Variants in ADAM23 observed in about 807,000 individuals in gnomAD.
ADAM23 encodes the protein ADAM metallopeptidase domain 23, also known as disintegrin and metalloproteinase domain-containing protein 23.
In ADAM23, 33 loss-of-function variants were observed where a neutral mutation model predicts 120.1. That is an observed-to-expected ratio of 0.27 (90% CI 0.21 to 0.37). ADAM23 has a LOEUF of 0.37. ADAM23 is among the 10% of genes least tolerant of loss of function. The probability of loss-of-function intolerance (pLI) is 1.00; values close to 1 mark genes in which losing one functional copy is unlikely to be tolerated. For missense variants in ADAM23, 862 were observed against 1,058.2 expected, an observed-to-expected ratio of 0.81 and a Z score of 2.57; for synonymous variants, 367 against 375.2, an observed-to-expected ratio of 0.98 and a Z score of 0.25.
At position 206,618,447 on chromosome 2, in the gene ADAM23, TAAG is replaced by T. The variant is rs1698977595; in HGVS notation, c.*822_*824del. On this transcript the variant is annotated 3_prime_UTR_variant, in exon 26 of 26. Transcript: ENST00000264377. Reference sequence around the variant, plus strand: ...TCTTTTATAAATGTAAATATGGAAATAAGAGATTTTGACACATCATTTTCACTT... The same window carrying T: ...TCTTTTATAAATGTAAATATGGAAATAGATTTTGACACATCATTTTCACTT... 1 of 152,234 alleles carries T rather than the reference TAAG, an allele frequency of 6.6e-6. No homozygotes were observed. Among genetic ancestry groups the T allele is most frequent in the African/African-American group, 2.4e-5 (1 of 41,468 alleles). 9.4% of individuals were successfully genotyped at this position (152,234 alleles called of 1,614,324 possible). A position where few individuals can be genotyped will look rare whatever the true frequency, so the allele number is the denominator to read the frequency against.
At chr2:206,594,060 GCTATACAGAAGTGTAGCC>G (rs1360095143) in intron 22 of ADAM23, among the ~76,000 whole-genome samples, 1 of 151,794 alleles carries the variant, frequency 6.6e-6, no homozygotes, top group Non-Finnish European at 1.5e-5. Context: ...AGTATAATAT[GCTATACAGAAGTGTAGCC>G]CAGGAGCAAT....
At chr2:206,479,400 G>A (rs1405760829) in intron 2 of ADAM23, among the ~76,000 whole-genome samples, 1 of 151,974 alleles carries the variant, frequency 6.6e-6, no homozygotes, top group African/African-American at 2.4e-5. Flanking sequence ...TTTAGACCAG[G>A]GTGCCACTAA....
chr2:206,495,502 A>G (rs1230053571), intron 3 of ADAM23, among the ~76,000 whole-genome samples: 1 of 150,056 alleles, frequency 6.7e-6, no homozygotes, highest in Non-Finnish European at 1.5e-5. Flanking sequence ...TGAAGGAAGC[A>G]CTAAACATGG....
chr2:206,462,494 A>G (rs1451181967), intron 2 of ADAM23, among the ~76,000 whole-genome samples: 1 of 152,080 alleles, frequency 6.6e-6, no homozygotes, highest in African/African-American at 2.4e-5. Flanking sequence ...TCGCCCTACC[A>G]CTTCGATTTT....
intron 3 of ADAM23, among the ~76,000 whole-genome samples, chr2:206,495,858 C>T (rs944700353): frequency 5.9e-5 from 9 of 152,016 alleles, no homozygotes; most frequent in South Asian, 2.1e-4. Flanking sequence ...ATCCTAGTCT[C>T]GGATTAAACA....
intron 3 of ADAM23, among the ~76,000 whole-genome samples, chr2:206,514,657 G>A (rs1414386523): frequency 6.6e-6 from 1 of 152,170 alleles, no homozygotes; most frequent in Non-Finnish European, 1.5e-5. Context: ...TTCTGCTGCG[G>A]GTAAAATGCT....
At chr2:206,574,711 T>G (rs972088751) in intron 18 of ADAM23, among the ~76,000 whole-genome samples, 29 of 152,178 alleles carry the variant, frequency 1.9e-4, no homozygotes, top group African/African-American at 7.0e-4. Context: ...TCCATTGCCG[T>G]GTCTGTCCCA....
intron 3 of ADAM23, among the ~76,000 whole-genome samples, chr2:206,489,234 G>T (rs1182996195): frequency 6.6e-6 from 1 of 152,118 alleles, no homozygotes; most frequent in Non-Finnish European, 1.5e-5. Context: ...CTAAATTTTT[G>T]TGATTCCTGA....
intron 3 of ADAM23, among the ~76,000 whole-genome samples, chr2:206,503,073 T>A (rs1310737689): frequency 6.6e-6 from 1 of 152,140 alleles, no homozygotes; most frequent in Non-Finnish European, 1.5e-5. Context: ...CCATCCTGAT[T>A]TATACATGTG....
At position 206,506,705 on chromosome 2, in the gene ADAM23, T is replaced by C. The variant is rs1219188595; in HGVS notation, c.510-24180T>C. On this transcript the variant is annotated intron_variant, in intron 3 of 25. Transcript: ENST00000264377. ...GATCTAGTCTGTTTATTTTTCTGGA[T>C]GTTTGCTCTCTGAAGGGTAAAGCCC... is the stretch of plus-strand genomic sequence containing the variant. Among the ~76,000 whole-genome samples the C allele has an allele frequency of 3.3e-5, 5 of 152,340 alleles. No homozygotes were observed. In the East Asian group the frequency reaches 9.6e-4, roughly 29 times the overall value.
intron 24 of ADAM23, among the ~76,000 whole-genome samples, chr2:206,602,291 A>G (rs922885996): frequency 6.6e-6 from 1 of 152,176 alleles, no homozygotes; most frequent in Admixed American, 6.5e-5. Context: ...ATAAACTGAA[A>G]TATATTCTTA....
At position 206,588,963 on chromosome 2, in the gene ADAM23, CAT is replaced by C. The variant is rs553061949; in HGVS notation, c.1853-444_1853-443del. Among the ~76,000 whole-genome samples the C allele has an allele frequency of 1.5e-3, 230 of 152,290 alleles. 2 individuals carry two copies. Among genetic ancestry groups the C allele is most frequent in the Middle Eastern group, 3.4e-3 (1 of 294 alleles). On this transcript the variant is annotated intron_variant, in intron 20 of 25. Coordinates refer to ENST00000264377, the MANE Select transcript of ADAM23 (RefSeq NM_003812.4). ...TTAATTATCAAAACTCAGGTGCCAA[CAT>C]AAAATCTCAATAGGCTACGACTTTA...
intron 2 of ADAM23, among the ~76,000 whole-genome samples, chr2:206,456,508 G>C (rs879477673): frequency 1.2e-4 from 19 of 152,122 alleles, no homozygotes; most frequent in Admixed American, 9.2e-4. Context: ...TTCCCACCAG[G>C]TCCCTCCCTC....
intron 3 of ADAM23, among the ~76,000 whole-genome samples, chr2:206,490,029 T>C (rs896754594): frequency 6.6e-6 from 1 of 152,186 alleles, no homozygotes; most frequent in African/African-American, 2.4e-5. Flanking sequence ...TAACTATATT[T>C]GGAATGAAGT....
intron 24 of ADAM23, among the ~76,000 whole-genome samples, chr2:206,599,406 T>C (rs1216846559): frequency 2.0e-5 from 3 of 152,224 alleles, no homozygotes; most frequent in Non-Finnish European, 2.9e-5. Context: ...GTTATTTTTA[T>C]AAATATTTAC....
intron 16 of ADAM23, among the ~76,000 whole-genome samples, chr2:206,571,257 C>G (rs554698816): frequency 2.0e-5 from 3 of 151,862 alleles, no homozygotes; most frequent in African/African-American, 7.3e-5. Context: ...GGGCAGATCA[C>G]GAGGTCAGGA....
rs544343816 is a variant in ADAM23 at position 206,478,962 on chromosome 2, C to G, written c.433-2270C>G. ...GCCATGGTCCCTGTGGCCCATTAGA[C>G]AAGCTGAGGCTGACAGTTGTACCTG... On this transcript the variant is annotated intron_variant, in intron 2 of 25. Transcript: ENST00000264377. 6.6e-5 allele frequency among the ~76,000 whole-genome samples: 10 copies of G among 152,300 alleles called. No individual in the cohort carries two copies. In the East Asian group the frequency reaches 1.5e-3, roughly 24 times the overall value.
At position 206,530,268 on chromosome 2, in the gene ADAM23, A is replaced by G. The variant is rs144106152; in HGVS notation, c.510-617A>G. On this transcript the variant is annotated intron_variant, in intron 3 of 25. Transcript: ENST00000264377. Reference sequence around the variant, plus strand: ...CATACTGCCCGTGGCTGCTTTTGCAATATAATGGCTGAGCTGAGTAGTTGT... The same window carrying G: ...CATACTGCCCGTGGCTGCTTTTGCAGTATAATGGCTGAGCTGAGTAGTTGT... 2.4e-4 allele frequency among the ~76,000 whole-genome samples: 37 copies of G among 152,372 alleles called. 1 individual carries two copies. Among genetic ancestry groups the G allele is most frequent in the African/African-American group, 7.9e-4 (33 of 41,596 alleles).
chr2:206,610,934 A>G (rs1161978476), intron 25 of ADAM23, among the ~76,000 whole-genome samples: 1 of 152,220 alleles, frequency 6.6e-6, no homozygotes, highest in East Asian at 1.9e-4. Flanking sequence ...CCATTACCCA[A>G]ATTCAAAACC....
Sources: gnomAD v4.1 joint callset for allele counts (sites outside exome capture counted in the v4.1 genomes callset) on GRCh38, gnomAD v4.1.1 for gene constraint, MANE v1.5 for transcripts, NCBI Gene and HGNC (gene_info 2026-07-23, HGNC 2026-07-21) for gene names.